CDK19: variants seen among roughly 807,000 people sequenced by gnomAD.
CDK19 encodes cyclin dependent kinase 19.
Under a neutral mutation model 68.3 loss-of-function variants are expected in CDK19, and 20 were observed. The observed-to-expected ratio is 0.29, with a 90% confidence interval of 0.21 to 0.43. The LOEUF (loss-of-function observed/expected upper bound fraction) is 0.43, where lower values mean the gene tolerates loss of function less well. Among genes scored for constraint, CDK19 ranks in the 20% least tolerant of loss-of-function variants. The pLI is 1.00. For missense variants in CDK19, 339 were observed against 623.5 expected (o/e 0.54, Z 4.86); for synonymous variants, 221 against 222.8 (o/e 0.99, Z 0.07).
At chr6:110,728,300 A>AGAG (rs1367929820) in intron 2 of CDK19, among the ~76,000 whole-genome samples, 1 of 141,738 alleles carries the variant, frequency 7.1e-6, no homozygotes, top group Non-Finnish European at 1.6e-5. Context: ...AAAAAAAAAA[A>AGAG]AAAGAGAGAG....
intron 1 of CDK19, among the ~76,000 whole-genome samples, chr6:110,803,608 C>T (rs1782480617): frequency 6.6e-6 from 1 of 152,072 alleles, no homozygotes; most frequent in South Asian, 2.1e-4. Flanking sequence ...TTTAAATTTG[C>T]ACCTAAATCC....
At chr6:110,701,932 G>A (rs1412634487) in intron 2 of CDK19, among the ~76,000 whole-genome samples, 1 of 151,794 alleles carries the variant, frequency 6.6e-6, no homozygotes, top group Non-Finnish European at 1.5e-5. Flanking sequence ...CACAAGGTCA[G>A]GAGTTCGAGA....
At chr6:110,803,546 G>A (rs1471352681) in intron 1 of CDK19, among the ~76,000 whole-genome samples, 1 of 152,132 alleles carries the variant, frequency 6.6e-6, no homozygotes, top group Non-Finnish European at 1.5e-5. Flanking sequence ...GGTTTTGTAA[G>A]TAAGACAAGA....
chr6:110,641,646 A>AAAGGAAGGAAGGAAGGAAGGAAGGAAGG (rs71553305), intron 4 of CDK19, among the ~76,000 whole-genome samples: 3 of 131,444 alleles, frequency 2.3e-5, no homozygotes, highest in Non-Finnish European at 3.2e-5. Context: ...AAAGGGAAAG[A>AAAGGAAGGAAGGAAGGAAGGAAGGAAGG]AAGGAAGGAA....
chr6:110,805,384 C>CT (rs1782613078), intron 1 of CDK19, among the ~76,000 whole-genome samples: 1 of 152,096 alleles, frequency 6.6e-6, no homozygotes, highest in Non-Finnish European at 1.5e-5. Flanking sequence ...TCCAAATACT[C>CT]TAATAGTTTA....
At chr6:110,785,164 T>C (rs899271015) in intron 1 of CDK19, among the ~76,000 whole-genome samples, 4 of 150,614 alleles carry the variant, frequency 2.7e-5, no homozygotes, top group Admixed American at 6.6e-5. Context: ...GTCAATATCC[T>C]AGAATGTTTA....
chr6:110,691,331 G>A (rs531185192), intron 2 of CDK19, among the ~76,000 whole-genome samples: 7 of 152,054 alleles, frequency 4.6e-5, no homozygotes, highest in East Asian at 2.0e-4. Flanking sequence ...AAAATTAGCC[G>A]GGTGTGGTGG....
intron 5 of CDK19, among the ~76,000 whole-genome samples, chr6:110,634,976 A>G (rs1251087463): frequency 6.6e-6 from 1 of 152,242 alleles, no homozygotes; most frequent in Non-Finnish European, 1.5e-5. Flanking sequence ...TGAACTTTAA[A>G]AGAGTTTCAA....
At chr6:110,762,829 C>A (rs996066454) in intron 1 of CDK19, among the ~76,000 whole-genome samples, 2 of 152,132 alleles carry the variant, frequency 1.3e-5, no homozygotes, top group African/African-American at 4.8e-5. Flanking sequence ...TGAAATTATT[C>A]TTATATGAAT....
At chr6:110,730,078 A>G (rs1776631639) in intron 2 of CDK19, among the ~76,000 whole-genome samples, 1 of 152,160 alleles carries the variant, frequency 6.6e-6, no homozygotes, top group Non-Finnish European at 1.5e-5. Flanking sequence ...GTAGTTTGCT[A>G]TGTCCCCATT....
At chr6:110,765,498 GGTGAAAC>G (rs2114970453) in intron 1 of CDK19, among the ~76,000 whole-genome samples, 1 of 152,122 alleles carries the variant, frequency 6.6e-6, no homozygotes, top group East Asian at 1.9e-4. Flanking sequence ...CCAACAACAT[GGTGAAAC>G]CCCGTCTCTA....
chr6:110,698,255 T>C (rs1023444411), intron 2 of CDK19, among the ~76,000 whole-genome samples: 14 of 151,786 alleles, frequency 9.2e-5, no homozygotes, highest in African/African-American at 3.1e-4. Context: ...TTGCAAACTA[T>C]GCATCCAACA....
chr6:110,727,112 G>T (rs1288491644), intron 2 of CDK19, among the ~76,000 whole-genome samples: 1 of 151,970 alleles, frequency 6.6e-6, no homozygotes, highest in Non-Finnish European at 1.5e-5. Flanking sequence ...ACAGAATTAG[G>T]TTATATAAGA....
chr6:110,705,229 G>A (rs1019498709), intron 2 of CDK19, among the ~76,000 whole-genome samples: 13 of 151,986 alleles, frequency 8.6e-5, no homozygotes, highest in East Asian at 3.9e-4. Flanking sequence ...TAGTAGAGAC[G>A]GGGTTTCTCC....
chr6:110,711,881 T>C (rs981608580), intron 2 of CDK19, among the ~76,000 whole-genome samples: 15 of 152,314 alleles, frequency 9.8e-5, no homozygotes, highest in African/African-American at 2.4e-4. Flanking sequence ...GGCAGGAGAA[T>C]TGCCTGAACC....
At chr6:110,719,952 A>T (rs1775707767) in intron 2 of CDK19, among the ~76,000 whole-genome samples, 1 of 142,758 alleles carries the variant, frequency 7.0e-6, no homozygotes, top group Non-Finnish European at 1.5e-5. Flanking sequence ...GTTGGTCTTG[A>T]ACTCCTGACC....
chr6:110,639,387 TAA>T (rs1243757950), intron 4 of CDK19, among the ~76,000 whole-genome samples: 1 of 152,204 alleles, frequency 6.6e-6, no homozygotes, highest in Non-Finnish European at 1.5e-5. Context: ...GTCTCCTTTG[TAA>T]AGTCTTTGAA....
chr6:110,804,849 G>A lies in CDK19; in HGVS notation c.128+10160C>T, dbSNP rs572408468. Among the ~76,000 whole-genome samples the A allele has an allele frequency of 7.7e-4, 116 of 151,436 alleles. 1 individual carries two copies. Among genetic ancestry groups the A allele is most frequent in the Non-Finnish European group, 1.4e-3 (94 of 67,868 alleles). On this transcript the variant is annotated intron_variant, in intron 1 of 12. Transcript: ENST00000368911. ...CGAGCGTCTGTAGTCCCAGCCACTCGGGAGACTGAGGCAGTAGAATGGCGT... is the reference window on the plus strand; with the variant it reads ...CGAGCGTCTGTAGTCCCAGCCACTCAGGAGACTGAGGCAGTAGAATGGCGT...
intron 1 of CDK19, among the ~76,000 whole-genome samples, chr6:110,814,402 G>T (rs1783397496): frequency 6.6e-6 from 1 of 152,246 alleles, no homozygotes; most frequent in Admixed American, 6.5e-5. Context: ...CCGGGACGCC[G>T]GGCATACAAC....
Sources: gnomAD v4.1 joint callset for allele counts (sites outside exome capture counted in the v4.1 genomes callset) on GRCh38, gnomAD v4.1.1 for gene constraint, MANE v1.5 for transcripts, NCBI Gene and HGNC (gene_info 2026-07-23, HGNC 2026-07-21) for gene names.